KDM2A: variants seen among roughly 807,000 people sequenced by gnomAD.
The protein encoded by KDM2A is lysine demethylase 2A.
Under a neutral mutation model 137.3 loss-of-function variants are expected in KDM2A, and 3 were observed. The ratio of observed to expected loss-of-function variants is 0.02; its 90% CI spans 0.01 to 0.06. The LOEUF (loss-of-function observed/expected upper bound fraction) is 0.06, where lower values mean the gene tolerates loss of function less well. KDM2A is among the 10% of genes least tolerant of loss of function. KDM2A has a pLI of 1.00. For synonymous variants in KDM2A, 512 were observed against 541.5 expected (o/e 0.95, Z 0.76); for missense variants, 738 against 1,510.6 (o/e 0.49, Z 8.48).
chr11:67,246,585 G>A (rs1279372559), intron 15 of KDM2A, among the ~76,000 whole-genome samples: 3 of 151,598 alleles, frequency 2.0e-5, no homozygotes, highest in Non-Finnish European at 4.4e-5. Context: ...AAAAAAAAAA[G>A]TAATAAAAAG....
chr11:67,173,874 T>G (rs1479867126), intron 2 of KDM2A, among the ~76,000 whole-genome samples: 1 of 151,772 alleles, frequency 6.6e-6, no homozygotes, highest in African/African-American at 2.4e-5. Flanking sequence ...CTCAACTAAT[T>G]TAAACAATTT....
intron 10 of KDM2A, among the ~76,000 whole-genome samples, chr11:67,224,616 C>T (rs1590803503): frequency 1.3e-5 from 2 of 151,130 alleles, no homozygotes; most frequent in South Asian, 2.1e-4. Context: ...TACAGGCACC[C>T]GCCACCAAGC....
At chr11:67,148,479 T>C (rs1856307440) in intron 2 of KDM2A, among the ~76,000 whole-genome samples, 1 of 151,844 alleles carries the variant, frequency 6.6e-6, no homozygotes, top group Non-Finnish European at 1.5e-5. Flanking sequence ...ATAATAGGTA[T>C]CAATCATATC....
At position 67,245,091 on chromosome 11, in the gene KDM2A, G is replaced by A. The variant is rs1859165067; in HGVS notation, c.1564-98G>A. 3 of 1,392,434 alleles carry A rather than the reference G, an allele frequency of 2.2e-6. No individual in the cohort carries two copies. The highest frequency in any genetic ancestry group is 2.9e-5 in the African/African-American group (2 of 70,068). 86.3% of individuals were successfully genotyped at this position (1,392,434 alleles called of 1,614,324 possible). On this transcript the variant is annotated intron_variant, in intron 13 of 20. Transcript: ENST00000529006. This position sits in a 1 kb window ranked among gnomAD's most constrained non-coding sequence, Gnocchi z 4.1. ...GCAGTGGGCAGATCTGGCCATAGTGGGCCAAGCCCCAGGCTAGGTATGCTA... is the reference window on the plus strand; with the variant it reads ...GCAGTGGGCAGATCTGGCCATAGTGAGCCAAGCCCCAGGCTAGGTATGCTA...
intron 2 of KDM2A, among the ~76,000 whole-genome samples, chr11:67,179,484 G>T (rs919129480): frequency 6.6e-6 from 1 of 152,186 alleles, no homozygotes; most frequent in African/African-American, 2.4e-5. Context: ...TGTTGGTCAG[G>T]CTGGTCTCTA....
intron 2 of KDM2A, among the ~76,000 whole-genome samples, chr11:67,157,583 A>G (rs1856546576): frequency 6.6e-6 from 1 of 151,714 alleles, no homozygotes; most frequent in Non-Finnish European, 1.5e-5. Flanking sequence ...CGTCTCTACT[A>G]AAAATACAAA....
At chr11:67,120,169 G>T (rs1855565862) in intron 1 of KDM2A, 120 bp downstream of exon 1, 2 of 152,176 alleles carry the variant, frequency 1.3e-5, no homozygotes, top group African/African-American at 2.4e-5. Flanking sequence ...CTTTTCCTGG[G>T]GGAGCCCAGC....
At chr11:67,198,274 A>C (rs1043331621) in intron 5 of KDM2A, among the ~76,000 whole-genome samples, 2 of 151,666 alleles carry the variant, frequency 1.3e-5, no homozygotes, top group Non-Finnish European at 2.9e-5. Context: ...CCATACCCAG[A>C]GTATGAGCGC....
intron 5 of KDM2A, among the ~76,000 whole-genome samples, chr11:67,204,809 G>A (rs1371270390): frequency 6.6e-6 from 1 of 151,940 alleles, no homozygotes; most frequent in Non-Finnish European, 1.5e-5. Flanking sequence ...GTGTTTTCTT[G>A]GTATATCCAT....
intron 2 of KDM2A, among the ~76,000 whole-genome samples, chr11:67,164,983 T>G (rs769938585): frequency 3.0e-4 from 46 of 152,280 alleles, no homozygotes; most frequent in South Asian, 1.2e-3. Flanking sequence ...AGACATAGTT[T>G]TCTCTGCTTT....
At chr11:67,202,242 T>A (rs963207543) in intron 5 of KDM2A, among the ~76,000 whole-genome samples, 1 of 152,208 alleles carries the variant, frequency 6.6e-6, no homozygotes, top group Non-Finnish European at 1.5e-5. Flanking sequence ...TTTGTTTTTT[T>A]AAGATGGAAT....
intron 2 of KDM2A, among the ~76,000 whole-genome samples, chr11:67,164,716 G>C (rs1191702598): frequency 6.6e-6 from 1 of 151,876 alleles, no homozygotes; most frequent in East Asian, 1.9e-4. Flanking sequence ...CACCTCCCAG[G>C]GTCAAGCGAT....
At chr11:67,160,707 G>T (rs1303271770) in intron 2 of KDM2A, among the ~76,000 whole-genome samples, 1 of 152,124 alleles carries the variant, frequency 6.6e-6, no homozygotes, top group East Asian at 1.9e-4. Context: ...GAAGGCAGAG[G>T]TTGCAGTGAG....
chr11:67,147,080 A>G (rs1237353000), intron 2 of KDM2A, among the ~76,000 whole-genome samples: 2 of 152,282 alleles, frequency 1.3e-5, no homozygotes, highest in East Asian at 1.9e-4. Flanking sequence ...AAACAGAGCT[A>G]AGATTTATGA....
In KDM2A at chr11:67,245,888, A is replaced by G; in HGVS notation, c.1834-97A>G. The G allele has an allele frequency of 4.2e-6, 6 of 1,431,106 alleles. No individual in the cohort carries two copies. Among genetic ancestry groups the G allele is most frequent in the Non-Finnish European group, 5.8e-6 (6 of 1,040,910 alleles). The allele number at this position is 1,431,106 out of a possible 1,614,324, so 88.7% of individuals were successfully genotyped here. On this transcript the variant is annotated intron_variant, in intron 14 of 20. Transcript: ENST00000529006. The surrounding 1 kb of genome is among the most constrained non-coding windows in gnomAD (Gnocchi z 4.1). ...CATGCTTCCAGGTGTTTAGTAGAGA[A>G]TTATAGGACCCAAATCTCCCATCTT...
chr11:67,145,578 C>T (rs1452345396), intron 2 of KDM2A, among the ~76,000 whole-genome samples: 1 of 151,774 alleles, frequency 6.6e-6, no homozygotes, highest in Non-Finnish European at 1.5e-5. Flanking sequence ...AATAAAGGCT[C>T]ATAGAGGCAA....
intron 2 of KDM2A, among the ~76,000 whole-genome samples, chr11:67,123,980 T>C (rs1247540586): frequency 6.6e-6 from 1 of 151,284 alleles, no homozygotes. Context: ...CCTGGACTTT[T>C]GGGTTTTGTT....
chr11:67,156,064 A>G (rs1263890306), intron 2 of KDM2A, among the ~76,000 whole-genome samples: 1 of 146,032 alleles, frequency 6.8e-6, no homozygotes, highest in East Asian at 2.2e-4. Flanking sequence ...AGCCTGACCA[A>G]TGTGGAGAAA....
chr11:67,184,665 C>A (rs1857164452), intron 5 of KDM2A, among the ~76,000 whole-genome samples: 1 of 152,190 alleles, frequency 6.6e-6, no homozygotes, highest in Non-Finnish European at 1.5e-5. Context: ...CCCACACCCA[C>A]CCCCATTTTA....
Sources: gnomAD v4.1 joint callset for allele counts (sites outside exome capture counted in the v4.1 genomes callset) on GRCh38, gnomAD v4.1.1 for gene constraint, Gnocchi (gnomAD v3.1) non-coding constraint, MANE v1.5 for transcripts, NCBI Gene and HGNC (gene_info 2026-07-23, HGNC 2026-07-21) for gene names.